The following TAF3 variants were observed in gnomAD, a reference collection of about 807,000 sequenced individuals.
The protein encoded by TAF3 is transcription initiation factor TFIID subunit 3.
In TAF3, 7 loss-of-function variants were observed where a neutral mutation model predicts 80.6. The ratio of observed to expected loss-of-function variants is 0.09; its 90% CI spans 0.05 to 0.16. TAF3 has a LOEUF of 0.16. TAF3 is among the 10% of genes least tolerant of loss of function. The pLI, the probability that TAF3 is intolerant of heterozygous loss-of-function variation, is 1.00. For missense variants in TAF3, 921 were observed against 1,140.2 expected (o/e 0.81, Z 2.77); for synonymous variants, 444 against 446.1 (o/e 1.00, Z 0.06).
At chr10:7,997,413 A>G (rs1052648009) in intron 4 of TAF3, among the ~76,000 whole-genome samples, 2 of 152,234 alleles carry the variant, frequency 1.3e-5, no homozygotes, top group African/African-American at 2.4e-5. Context: ...GACATATCCA[A>G]CTTGTGTTTG....
intron 2 of TAF3, among the ~76,000 whole-genome samples, chr10:7,961,776 C>T (rs1286654807): frequency 6.6e-6 from 1 of 152,144 alleles, no homozygotes; most frequent in African/African-American, 2.4e-5. Flanking sequence ...TAATCATTGT[C>T]CTTTTCTATT....
intron 2 of TAF3, among the ~76,000 whole-genome samples, chr10:7,959,445 A>G (rs1838168715): frequency 1.3e-5 from 2 of 152,210 alleles, no homozygotes; most frequent in South Asian, 2.1e-4. Flanking sequence ...TGCAGTATTA[A>G]GTAACATAAA....
At chr10:7,856,182 A>G (rs891580097) in intron 2 of TAF3, among the ~76,000 whole-genome samples, 2 of 152,154 alleles carry the variant, frequency 1.3e-5, no homozygotes, top group African/African-American at 4.8e-5. Context: ...TCCTAGAAAA[A>G]GCAGAATCAG....
At chr10:7,872,777 G>T (rs1477688800) in intron 2 of TAF3, among the ~76,000 whole-genome samples, 1 of 152,096 alleles carries the variant, frequency 6.6e-6, no homozygotes, top group Non-Finnish European at 1.5e-5. Flanking sequence ...TTTTGATACA[G>T]ATATCAAACT....
intron 2 of TAF3, among the ~76,000 whole-genome samples, chr10:7,960,992 T>G (rs1018834455): frequency 3.3e-5 from 5 of 151,900 alleles, no homozygotes; most frequent in Admixed American, 2.6e-4. Flanking sequence ...CAATGAAAGG[T>G]TTTTAAGATG....
At chr10:7,914,038 T>C (rs755899504) in intron 2 of TAF3, among the ~76,000 whole-genome samples, 1 of 152,176 alleles carries the variant, frequency 6.6e-6, no homozygotes, top group Non-Finnish European at 1.5e-5. Context: ...CCAATTGCAA[T>C]GTGGTCCTCT....
Position 7,924,293 on chromosome 10 carries a change from C to T in TAF3, c.410-39627C>T, listed in dbSNP as rs891809572. 2.0e-5 allele frequency among the ~76,000 whole-genome samples: 3 copies of T among 152,192 alleles called. No homozygotes were observed. The East Asian group carries it at 5.8e-4, about 29-fold the overall frequency. ...AACCCAATGAGAAAGCATATTGGTA[C>T]AAAACCATGAAAGAAAGCGGTGGTT... On this transcript the variant is annotated intron_variant, in intron 2 of 6. Transcript: ENST00000344293.
chr10:7,840,675 T>C (rs1015483581), intron 2 of TAF3, among the ~76,000 whole-genome samples: 1 of 152,118 alleles, frequency 6.6e-6, no homozygotes, highest in African/African-American at 2.4e-5. Context: ...TACATGCTTG[T>C]GGCTGGCTCA....
chr10:7,888,243 C>T (rs1564357091), intron 2 of TAF3, among the ~76,000 whole-genome samples: 1 of 152,194 alleles, frequency 6.6e-6, no homozygotes, highest in East Asian at 1.9e-4. Context: ...TGTCCAAGCA[C>T]ATTTTTTTGC....
chr10:7,823,077 C>T (rs544098677), intron 1 of TAF3, among the ~76,000 whole-genome samples: 5 of 152,162 alleles, frequency 3.3e-5, no homozygotes, highest in Non-Finnish European at 5.9e-5. Context: ...TGCCCTTCTG[C>T]ACTCCAGCCT....
intron 4 of TAF3, among the ~76,000 whole-genome samples, chr10:7,995,046 T>C (rs922886837): frequency 6.6e-6 from 1 of 151,388 alleles, no homozygotes; most frequent in Non-Finnish European, 1.5e-5. Flanking sequence ...ATTTGAGTTA[T>C]TCAACAAGAA....
At chr10:7,823,671 G>A (rs1432280693) in intron 1 of TAF3, among the ~76,000 whole-genome samples, 2 of 138,316 alleles carry the variant, frequency 1.4e-5, no homozygotes, top group East Asian at 4.3e-4. Context: ...GTCTTGCTCT[G>A]TTGCCCAGGC....
At chr10:7,885,637 C>T (rs1441409342) in intron 2 of TAF3, among the ~76,000 whole-genome samples, 1 of 152,124 alleles carries the variant, frequency 6.6e-6, no homozygotes, top group Non-Finnish European at 1.5e-5. Flanking sequence ...TTCAATTATC[C>T]ATGTTTCTAA....
Position 7,964,260 on chromosome 10 carries a change from T to G in TAF3, c.750T>G (p.Ala250=). The change falls in exon 3 of 7, where the codon GCT becomes GCG. Residue 250 remains alanine, a synonymous_variant. Transcript: ENST00000344293. The surrounding 1 kb of genome is among the most constrained non-coding windows in gnomAD (Gnocchi z 4.1). The part of the protein sequence containing the change: ...APPSPEPPML[A]PVAKSQMPTA... The stretch of plus-strand genomic sequence containing the variant: ...CCTCACCCGAGCCGCCAATGTTGGC[T>G]CCAGTTGCAAAATCACAAATGCCAA... 1 of 1,614,180 alleles carries G rather than the reference T, an allele frequency of 6.2e-7. No homozygotes were observed. Among genetic ancestry groups the G allele is most frequent in the Non-Finnish European group, 8.5e-7 (1 of 1,180,048 alleles).
chr10:7,887,583 T>C (rs776417340), intron 2 of TAF3, among the ~76,000 whole-genome samples: 15 of 152,142 alleles, frequency 9.9e-5, no homozygotes, highest in Non-Finnish European at 2.2e-4. Context: ...AAGACTTTCC[T>C]AGTGATAAGT....
rs975659157 is a variant in TAF3, at chr10:8,009,599, C to G, written c.2568+269C>G. 6.6e-6 allele frequency among the ~76,000 whole-genome samples: 1 copy of G among 151,934 alleles called. No homozygotes were observed. Among genetic ancestry groups the G allele is most frequent in the African/African-American group, 2.4e-5 (1 of 41,386 alleles). On this transcript the variant is annotated intron_variant, in intron 5 of 6. Coordinates refer to ENST00000344293, the MANE Select transcript of TAF3 (RefSeq NM_031923.4). The surrounding 1 kb of genome is among the most constrained non-coding windows in gnomAD (Gnocchi z 4.1). Reference sequence around the variant, plus strand: ...GGGGTTACAGGCCTGAGCCACTGCCCCTGGCCAGACACGTTTCTTTTTTTT... The same window carrying G: ...GGGGTTACAGGCCTGAGCCACTGCCGCTGGCCAGACACGTTTCTTTTTTTT...
intron 4 of TAF3, among the ~76,000 whole-genome samples, chr10:7,984,078 C>T (rs1411223042): frequency 6.6e-6 from 1 of 152,080 alleles, no homozygotes; most frequent in Non-Finnish European, 1.5e-5. Context: ...ATACGTCATT[C>T]TTGCTACCTT....
chr10:7,884,969 A>G (rs1171714881), intron 2 of TAF3, among the ~76,000 whole-genome samples: 1 of 151,034 alleles, frequency 6.6e-6, no homozygotes, highest in Admixed American at 6.7e-5. Flanking sequence ...CCATACCAAT[A>G]TATCTGGAGT....
chr10:7,872,941 T>C (rs1044389947), intron 2 of TAF3, among the ~76,000 whole-genome samples: 2 of 152,182 alleles, frequency 1.3e-5, no homozygotes, highest in Non-Finnish European at 2.9e-5. Flanking sequence ...AGCCTGAATT[T>C]TGAGTTGTCA....
Sources: gnomAD v4.1 joint callset for allele counts (sites outside exome capture counted in the v4.1 genomes callset) on GRCh38, gnomAD v4.1.1 for gene constraint, Gnocchi (gnomAD v3.1) non-coding constraint, MANE v1.5 for transcripts, NCBI Gene and HGNC (gene_info 2026-07-23, HGNC 2026-07-21) for gene names.